ZNF510: variants seen among roughly 807,000 people sequenced by gnomAD.
ZNF510 encodes the protein zinc finger protein 510.
In ZNF510, 15 loss-of-function variants were observed where a neutral mutation model predicts 18.1. The observed-to-expected ratio is 0.83, with a 90% CI of 0.55 to 1.28. ZNF510 has a LOEUF of 1.28. ZNF510 is among the 50% of genes most tolerant of loss of function. The probability of loss-of-function intolerance (pLI) is 0.00; values close to 1 mark genes in which losing one functional copy is unlikely to be tolerated. For missense variants in ZNF510, 724 were observed against 791.8 expected (o/e 0.91, Z 1.03); for synonymous variants, 261 against 266.4 (o/e 0.98, Z 0.20).
intron 3 of ZNF510, among the ~76,000 whole-genome samples, chr9:96,770,087 G>A (rs768943408): frequency 2.0e-5 from 3 of 152,100 alleles, no homozygotes; most frequent in Non-Finnish European, 4.4e-5. Context: ...AGAGAAAACA[G>A]GTGTCCAAAC....
At position 96,760,424 on chromosome 9, in the gene ZNF510, G is replaced by A. The variant is rs61739197; in HGVS notation, c.406C>T (p.His136Tyr). The A allele has an allele frequency of 7.3e-3, 11,784 of 1,612,340 alleles. 663 individuals are homozygous for A. The African/African-American group carries it at 0.13, about 18-fold the overall frequency. ...TTGATACATATTGCTTGCTCCAAGTGTTTGTCTTTGATTTTCTTGTTCTGC... is the reference window on the plus strand; with the variant it reads ...TTGATACATATTGCTTGCTCCAAGTATTTGTCTTTGATTTTCTTGTTCTGC... ...IKQNKKIKDKHLEQAICINNK... is the reference protein window; with the variant it reads ...IKQNKKIKDKYLEQAICINNK... Residue 136 changes from histidine (H) to tyrosine (Y), a missense_variant, in exon 6 of 6, where the codon CAC (histidine) becomes TAC (tyrosine). His to Tyr is a moderately conservative substitution (Grantham distance 83). Transcript: ENST00000223428.
At position 96,759,702 on chromosome 9, in the gene ZNF510, G is replaced by A. The variant is rs747211922; in HGVS notation, c.1128C>T (p.Ser376=). The A allele has an allele frequency of 6.2e-7, 1 of 1,613,808 alleles. No individual in the cohort carries two copies. Among genetic ancestry groups the A allele is most frequent in the South Asian group, 1.1e-5 (1 of 91,080 alleles). The change falls in exon 6 of 6, where the codon TCC becomes TCT. Residue 376 remains serine (S), a synonymous_variant. Coordinates refer to ENST00000223428, the MANE Select transcript of ZNF510 (RefSeq NM_014930.3). ...SNDRTQTWVK[S]SEYHENKKSY... is the part of the protein sequence containing the mutation. ...ATTTCTTATTTTCATGATATTCAGA[G>A]GATTTAACCCAAGTCTGTGTTCTGT...
At chr9:96,770,775 G>T (rs917885855) in intron 3 of ZNF510, among the ~76,000 whole-genome samples, 2 of 152,014 alleles carry the variant, frequency 1.3e-5, no homozygotes, top group African/African-American at 4.8e-5. Context: ...TAAATGATAT[G>T]GAATTTCCTT....
At chr9:96,763,419 T>C in intron 4 of ZNF510, 87 bp downstream of exon 4, 1 of 1,474,370 alleles carries the variant, frequency 6.8e-7, no homozygotes, top group Non-Finnish European at 9.1e-7. Context: ...ATTTAAACTT[T>C]AAGTAAATTG....
chr9:96,765,320 T>TATTTTGCAGTC (rs1357633332), intron 3 of ZNF510, among the ~76,000 whole-genome samples: 3 of 152,148 alleles, frequency 2.0e-5, no homozygotes, highest in East Asian at 1.9e-4. Context: ...CACTTGCAGT[T>TATTTTGCAGTC]ATTTTGCAGT....
At chr9:96,764,280 C>G (rs1302467123) in intron 3 of ZNF510, among the ~76,000 whole-genome samples, 1 of 152,194 alleles carries the variant, frequency 6.6e-6, no homozygotes, top group Non-Finnish European at 1.5e-5. Flanking sequence ...CAGGAGTCAG[C>G]AAATTATGGC....
chr9:96,775,754 G>A (rs1357210962), intron 2 of ZNF510, among the ~76,000 whole-genome samples: 1 of 152,192 alleles, frequency 6.6e-6, no homozygotes, highest in African/African-American at 2.4e-5. Flanking sequence ...TACAGGTTCA[G>A]GATAGAGGCA....
At chr9:96,760,670 A>G (rs973188825) in intron 5 of ZNF510, among the ~76,000 whole-genome samples, 193 bp from the exon 6 acceptor site, 10 of 152,100 alleles carry the variant, frequency 6.6e-5, no homozygotes, top group African/African-American at 2.4e-4. Context: ...TGCAAATGGG[A>G]GAGGAAGCTG....
intron 3 of ZNF510, among the ~76,000 whole-genome samples, chr9:96,766,913 ATAAAAC>A (rs923058400): frequency 6.1e-4 from 93 of 152,358 alleles, no homozygotes; most frequent in Middle Eastern, 3.4e-3. Flanking sequence ...AATTAGGAAG[ATAAAAC>A]TAGAAAAATT....
At chr9:96,770,600 T>A (rs2118036815) in intron 3 of ZNF510, among the ~76,000 whole-genome samples, 1 of 135,728 alleles carries the variant, frequency 7.4e-6, no homozygotes, top group African/African-American at 3.6e-5. Flanking sequence ...CAAAACTCTG[T>A]CTCAAAAAAA....
At chr9:96,761,789 T>A (rs1387307611) in intron 5 of ZNF510, among the ~76,000 whole-genome samples, 1 of 152,206 alleles carries the variant, frequency 6.6e-6, no homozygotes, top group Non-Finnish European at 1.5e-5. Context: ...GTGTACAAGA[T>A]TTTATGTGGC....
rs1255945809 is a variant in ZNF510 at position 96,754,901 on chromosome 9, T to G, written c.*3877A>C. ...TCTATCTTTATTAGCTTGAAGGCCC[T>G]TAGTGGGTGGGCAGACAGAAAATCA... On this transcript the variant is annotated 3_prime_UTR_variant, in exon 6 of 6. Coordinates refer to ENST00000223428, the MANE Select transcript of ZNF510 (RefSeq NM_014930.3). Among the ~76,000 whole-genome samples, 6 of 152,184 alleles carry G rather than the reference T, an allele frequency of 3.9e-5. No homozygotes were observed. Among genetic ancestry groups the G allele is most frequent in the Admixed American group, 3.9e-4 (6 of 15,282 alleles).
Position 96,755,752 on chromosome 9 carries a change from T to G in ZNF510, c.*3026A>C, listed in dbSNP as rs1387035846. ...TACAAATGACAATTTAGTATATATT[T>G]AAAATCAGTGGGAAAAAGGTGAATT... On this transcript the variant is annotated 3_prime_UTR_variant, in exon 6 of 6. Coordinates refer to ENST00000223428, the MANE Select transcript of ZNF510 (RefSeq NM_014930.3). The G allele has an allele frequency of 6.6e-6, 1 of 152,180 alleles. No individual in the cohort carries two copies. Among genetic ancestry groups the G allele is most frequent in the Non-Finnish European group, 1.5e-5 (1 of 68,024 alleles). 9.4% of individuals were successfully genotyped at this position (152,180 alleles called of 1,614,324 possible). A position where few individuals can be genotyped will look rare whatever the true frequency, so the allele number is the denominator to read the frequency against.
rs369397145 is a variant in ZNF510, at chr9:96,763,500, G to A, written c.256+6C>T. Reference sequence around the variant, plus strand: ...TTACAAGGGTAAGTTATGTTTACATGCTTACCCACTGAGACGAGGTTGCTG... The same window carrying A: ...TTACAAGGGTAAGTTATGTTTACATACTTACCCACTGAGACGAGGTTGCTG... On this transcript the variant is annotated splice_donor_region_variant and intron_variant, in intron 4 of 5. Transcript: ENST00000223428. 248 of 1,603,332 alleles carry A rather than the reference G, an allele frequency of 1.5e-4. 2 individuals carry two copies. The South Asian group carries it at 2.0e-3, about 13-fold the overall frequency.
intron 3 of ZNF510, among the ~76,000 whole-genome samples, chr9:96,767,767 C>T (rs1849506707): frequency 6.6e-6 from 1 of 152,146 alleles, no homozygotes. Flanking sequence ...AACTGTCAGT[C>T]TGTCTTTAAA....
In ZNF510 at chr9:96,758,493, T is replaced by C; in HGVS notation, c.*285A>G. 6.8e-6 allele frequency: 2 copies of C among 294,610 alleles called. No individual in the cohort carries two copies. The highest frequency in any genetic ancestry group is 6.3e-6 in the Non-Finnish European group (1 of 158,436). 18.2% of individuals were successfully genotyped at this position (294,610 alleles called of 1,614,324 possible). ...AGAGATTACCAGCCTGTGTGATGTG[T>C]GGGAGCTATCTAATAGGGTATGACT... On this transcript the variant is annotated 3_prime_UTR_variant, in exon 6 of 6. Coordinates refer to ENST00000223428, the MANE Select transcript of ZNF510 (RefSeq NM_014930.3).
intron 5 of ZNF510, 176 bp downstream of exon 5, chr9:96,762,942 A>C: frequency 1.8e-6 from 1 of 543,358 alleles, no homozygotes; most frequent in Non-Finnish European, 3.3e-6. Flanking sequence ...TAATATATTA[A>C]CAAATTTCTT....
chr9:96,777,323 G>A (rs1849723095), intron 1 of ZNF510, among the ~76,000 whole-genome samples: 1 of 152,190 alleles, frequency 6.6e-6, no homozygotes, highest in South Asian at 2.1e-4. Context: ...GGTTAGGTAG[G>A]TAGGCCATTA....
At chr9:96,764,108 T>C (rs1039194991) in intron 3 of ZNF510, among the ~76,000 whole-genome samples, 1 of 152,180 alleles carries the variant, frequency 6.6e-6, no homozygotes, top group Non-Finnish European at 1.5e-5. Flanking sequence ...AAGAAAATGT[T>C]TATAAATGAT....
Sources: allele counts gnomAD v4.1 joint callset (sites outside exome capture counted in the v4.1 genomes callset), GRCh38; gene constraint gnomAD v4.1.1; transcripts MANE v1.5; gene names NCBI Gene and HGNC (gene_info 2026-07-23, HGNC 2026-07-21).